Variants in GSE1 observed in about 807,000 individuals in gnomAD.
The protein encoded by GSE1 is genetic suppressor element 1.
GSE1 carries 32 observed loss-of-function variants against 112.6 expected under a neutral mutation model. The observed-to-expected ratio is 0.28, with a 90% CI of 0.21 to 0.38. GSE1 has a LOEUF of 0.38. Ranked by LOEUF, GSE1 falls within the 10% of genes least tolerant of loss-of-function variation. The pLI is 1.00. For missense variants in GSE1, 2,348 were observed against 1,699.2 expected, an observed-to-expected ratio of 1.38 and a Z score of -6.71; for synonymous variants, 1,115 against 735.6, an observed-to-expected ratio of 1.52 and a Z score of -8.35.
rs371123194 is a variant in GSE1, at chr16:85,657,335, G to A, written c.1371G>A (p.Pro457=). 1.6e-4 allele frequency: 258 copies of A among 1,605,254 alleles called. 3 individuals carry two copies. The highest frequency in any genetic ancestry group is 1.5e-4 in the Non-Finnish European group (172 of 1,176,920). Residue 457 remains proline (P), a synonymous_variant, in exon 8 of 16, where the codon CCG becomes CCA. Transcript: ENST00000253458. The part of the protein sequence containing the change: ...APKPVQHPLH[P]VPTPHHTVPS... ...AGCCCGTCCAACACCCCTTGCATCC[G>A]GTGCCCACCCCACACCACACGGTGC...
intron 1 of GSE1, among the ~76,000 whole-genome samples, chr16:85,305,731 C>T (rs911034255): frequency 3.3e-5 from 5 of 152,164 alleles, no homozygotes; most frequent in Non-Finnish European, 7.3e-5. Flanking sequence ...CTGCTTTGGC[C>T]TCCCAAAGTG....
At chr16:85,223,295 C>G (rs750493644) in intron 1 of GSE1, among the ~76,000 whole-genome samples, 2 of 152,096 alleles carry the variant, frequency 1.3e-5, no homozygotes, top group African/African-American at 4.8e-5. Context: ...GGCCAAGGCG[C>G]GTGGATCATT....
Position 85,425,993 on chromosome 16 carries a change from C to G in GSE1, c.2464+68350C>G, listed in dbSNP as rs538789061. The stretch of plus-strand genomic sequence containing the variant: ...AGACAGTCATGCTCTGGAATCCACA[C>G]TTTTAACCACCACTCTCTAAGAATG... On this transcript the variant is annotated intron_variant, in intron 2 of 2. Coordinates refer to the GSE1 transcript ENST00000637419. 3.6e-5 allele frequency among the ~76,000 whole-genome samples: 5 copies of G among 137,800 alleles called. No homozygotes were observed. The South Asian group carries it at 1.2e-3, about 33-fold the overall frequency. 90.4% of individuals were successfully genotyped at this position (137,800 alleles called of 152,430 possible). A position where few individuals can be genotyped will look rare whatever the true frequency, so the allele number is the denominator to read the frequency against.
chr16:85,462,742 G>T (rs1356785477), intron 2 of GSE1, among the ~76,000 whole-genome samples: 1 of 142,716 alleles, frequency 7.0e-6, no homozygotes, highest in Non-Finnish European at 1.6e-5. Context: ...CCGGCCGGGC[G>T]GGGGACGAGG....
chr16:85,547,675 G>C (rs574810329), intron 2 of GSE1, among the ~76,000 whole-genome samples: 2 of 151,476 alleles, frequency 1.3e-5, no homozygotes, highest in South Asian at 4.2e-4. Context: ...GAAGTCAGGA[G>C]TTCGAGACCA....
At chr16:85,250,214 A>C (rs909326939) in intron 1 of GSE1, among the ~76,000 whole-genome samples, 1 of 152,170 alleles carries the variant, frequency 6.6e-6, no homozygotes, top group Non-Finnish European at 1.5e-5. Flanking sequence ...GAGGGAGGCC[A>C]AGTGGCCTTT....
chr16:85,666,259 G>C lies in GSE1; in HGVS notation c.3042G>C (p.Pro1014=). ...LSHSTNGKSK[P]WEPFVAEEFA... is the part of the protein sequence containing the mutation. ...ACAGCACCAATGGGAAGAGCAAGCCGTGGGAGCCCTTTGTGGCAGAAGAGT... is the reference window on the plus strand; with the variant it reads ...ACAGCACCAATGGGAAGAGCAAGCCCTGGGAGCCCTTTGTGGCAGAAGAGT... The change falls in exon 13 of 16, where the codon CCG becomes CCC. Residue 1014 remains proline (P), a synonymous_variant. Coordinates refer to ENST00000253458, the MANE Select transcript of GSE1 (RefSeq NM_014615.5). The C allele has an allele frequency of 1.2e-6, 2 of 1,613,874 alleles. No homozygotes were observed. Among genetic ancestry groups the C allele is most frequent in the East Asian group, 2.2e-5 (1 of 44,880 alleles).
intron 1 of GSE1, among the ~76,000 whole-genome samples, chr16:85,310,833 G>T (rs915400476): frequency 3.4e-5 from 5 of 146,192 alleles, no homozygotes; most frequent in Non-Finnish European, 6.0e-5. Context: ...ACCCACCCGG[G>T]GTCCAGCAAG....
At chr16:85,228,937 G>A (rs1429485531) in intron 1 of GSE1, among the ~76,000 whole-genome samples, 6 of 152,240 alleles carry the variant, frequency 3.9e-5, no homozygotes, top group African/African-American at 1.4e-4. Flanking sequence ...TCCCAGCCTT[G>A]CAGCCTGTTC....
chr16:85,642,709 C>A (rs1288424830), intron 2 of GSE1, among the ~76,000 whole-genome samples: 1 of 152,252 alleles, frequency 6.6e-6, no homozygotes, highest in Non-Finnish European at 1.5e-5. Flanking sequence ...CCGTTCTGTT[C>A]TCTCCACCGT....
intron 2 of GSE1, among the ~76,000 whole-genome samples, chr16:85,368,401 CT>C (rs1158787920): frequency 6.6e-6 from 1 of 152,104 alleles, no homozygotes; most frequent in Admixed American, 6.5e-5. Flanking sequence ...CCCTAAATGC[CT>C]TCTCTAAAAG....
chr16:85,597,373 C>CAAA (rs1165062872), intron 1 of GSE1, among the ~76,000 whole-genome samples: 807 of 27,276 alleles, frequency 0.03, 8 homozygotes, highest in Non-Finnish European at 0.039. Context: ...GACTCTGTCT[C>CAAA]AAAAAAAAAA....
At chr16:85,407,338 C>CT (rs1314546034) in intron 2 of GSE1, among the ~76,000 whole-genome samples, 8 of 24,184 alleles carry the variant, frequency 3.3e-4, no homozygotes, top group South Asian at 2.0e-3. Context: ...TCAGGCCCCC[C>CT]GGATAATCCT....
intron 2 of GSE1, among the ~76,000 whole-genome samples, chr16:85,488,429 C>G (rs1158990476): frequency 6.6e-6 from 1 of 152,120 alleles, no homozygotes; most frequent in Non-Finnish European, 1.5e-5. Flanking sequence ...TTACAGCCTA[C>G]GGGGCTCTCT....
At chr16:85,221,307 AGC>A (rs200286244) in intron 1 of GSE1, among the ~76,000 whole-genome samples, 1 of 137,340 alleles carries the variant, frequency 7.3e-6, no homozygotes, top group African/African-American at 2.7e-5. Context: ...ACACTTCCCT[AGC>A]GCGCACACAC....
intron 1 of GSE1, among the ~76,000 whole-genome samples, chr16:85,303,642 C>G (rs911822159): frequency 5.9e-5 from 9 of 152,242 alleles, no homozygotes; most frequent in African/African-American, 2.2e-4. Context: ...CGAGGCCGCA[C>G]AGCTGGCCAG....
At chr16:85,527,255 G>A (rs554232760) in intron 2 of GSE1, among the ~76,000 whole-genome samples, 7 of 152,232 alleles carry the variant, frequency 4.6e-5, no homozygotes, top group Admixed American at 6.5e-5. Context: ...CTCCGGCCTC[G>A]CCCACCTGTG....
intron 1 of GSE1, among the ~76,000 whole-genome samples, chr16:85,223,204 A>G (rs2075423572): frequency 6.6e-6 from 1 of 152,208 alleles, no homozygotes; most frequent in Admixed American, 6.5e-5. Context: ...TGGAACCAGA[A>G]CCATGTTTTT....
chr16:85,519,600 A>T (rs367917440), intron 2 of GSE1, among the ~76,000 whole-genome samples: 3 of 149,918 alleles, frequency 2.0e-5, no homozygotes, highest in Non-Finnish European at 4.4e-5. Context: ...CATCACCTTC[A>T]CCACCATCAT....
Sources: allele counts gnomAD v4.1 joint callset (sites outside exome capture counted in the v4.1 genomes callset), GRCh38; gene constraint gnomAD v4.1.1; transcripts MANE v1.5; gene names NCBI Gene and HGNC (gene_info 2026-07-23, HGNC 2026-07-21).